The following SAR1B variants were observed in gnomAD, a reference collection of about 807,000 sequenced individuals.
The protein encoded by SAR1B is secretion associated Ras related GTPase 1B.
SAR1B carries 23 observed loss-of-function variants against 26.8 expected under a neutral mutation model. That is an observed-to-expected ratio of 0.86 (90% CI 0.62 to 1.22). SAR1B has a LOEUF of 1.22. SAR1B is among the 50% of genes most tolerant of loss of function. The probability of loss-of-function intolerance (pLI) is 0.00; values close to 1 mark genes in which losing one functional copy is unlikely to be tolerated. For missense variants in SAR1B, 196 were observed against 232.8 expected (o/e 0.84, Z 1.03); for synonymous variants, 65 against 80.8 (o/e 0.80, Z 1.05).
intron 1 of SAR1B, among the ~76,000 whole-genome samples, chr5:134,626,864 T>C (rs923735107): frequency 4.6e-5 from 7 of 152,190 alleles, no homozygotes; most frequent in African/African-American, 1.4e-4. Flanking sequence ...TGGAATTAGA[T>C]AGTGGTGATG....
Position 134,612,641 on chromosome 5 carries a change from T to TTAAAA in SAR1B, c.244+49_244+50insTTTTA, listed in dbSNP as rs1765234275. On this transcript the variant is annotated intron_variant, in intron 4 of 6. Transcript: ENST00000402673. ...GCCTGGGAGACAGAGTGAGCCTGTC[T>TTAAAA]AAAAAAAAAAAAAAAAAAAAAAAAA... is the stretch of plus-strand genomic sequence containing the variant. 1.0e-5 allele frequency: 8 copies of TTAAAA among 767,852 alleles called. No homozygotes were observed. In the East Asian group the frequency reaches 2.8e-4, roughly 27 times the overall value. The allele number at this position is 767,852 out of a possible 1,614,324, so 47.6% of individuals were successfully genotyped here. A position where few individuals can be genotyped will look rare whatever the true frequency, so the allele number is the denominator to read the frequency against.
At chr5:134,630,734 G>C (rs1400777990) in intron 1 of SAR1B, among the ~76,000 whole-genome samples, 1 of 144,074 alleles carries the variant, frequency 6.9e-6, no homozygotes, top group Admixed American at 7.0e-5. Flanking sequence ...AGTCAGCCTG[G>C]AGCCACTGCA....
At chr5:134,621,878 T>G (rs933453720) in intron 2 of SAR1B, among the ~76,000 whole-genome samples, 2 of 152,118 alleles carry the variant, frequency 1.3e-5, no homozygotes, top group African/African-American at 4.8e-5. Context: ...CTGAGACTAC[T>G]GGTGTGCACC....
At chr5:134,621,298 C>T (rs543469000) in intron 2 of SAR1B, among the ~76,000 whole-genome samples, 8 of 152,106 alleles carry the variant, frequency 5.3e-5, no homozygotes, top group South Asian at 2.1e-4. Flanking sequence ...GGTGAAACCC[C>T]GTCTCTACTG....
intron 1 of SAR1B, among the ~76,000 whole-genome samples, chr5:134,624,588 G>A (rs1024605057): frequency 1.3e-5 from 2 of 148,748 alleles, no homozygotes; most frequent in South Asian, 4.3e-4. Flanking sequence ...AACTAAAATC[G>A]TTTAAAAAAA....
chr5:134,609,949 TA>T lies in SAR1B; in HGVS notation c.245-276del, dbSNP rs368865443. Among the ~76,000 whole-genome samples, 832 of 149,282 alleles carry T rather than the reference TA, an allele frequency of 5.6e-3. 8 individuals carry two copies. Among genetic ancestry groups the T allele is most frequent in the East Asian group, 0.015 (76 of 5,122 alleles). On this transcript the variant is annotated intron_variant, in intron 4 of 6. Coordinates refer to ENST00000402673, the MANE Select transcript of SAR1B (RefSeq NM_016103.4). ...AGAATATTTAAAATAAAAATAAAAA[TA>T]AAAAAAAATACACGTTAAGTTCATT...
At chr5:134,631,123 T>G (rs1366682643) in intron 1 of SAR1B, among the ~76,000 whole-genome samples, 1 of 151,866 alleles carries the variant, frequency 6.6e-6, no homozygotes, top group Admixed American at 6.6e-5. Context: ...CAGGCTGATT[T>G]TCATTTCTGT....
intron 3 of SAR1B, chr5:134,618,410 C>T (rs901106134): frequency 2.0e-5 from 3 of 152,206 alleles, no homozygotes; most frequent in African/African-American, 7.2e-5. Flanking sequence ...GTTCTATCCT[C>T]ATTCTTTGTT....
intron 4 of SAR1B, among the ~76,000 whole-genome samples, chr5:134,611,243 C>T (rs904563787): frequency 6.6e-6 from 1 of 152,112 alleles, no homozygotes; most frequent in Non-Finnish European, 1.5e-5. Context: ...CATCGTATTC[C>T]AGAAATTATT....
In SAR1B at chr5:134,630,889, C is replaced by CT. The variant is rs781218368; in HGVS notation, c.-19+1838dup. Reference sequence around the variant, plus strand: ...TTTCCTTTTCTATTTCTTTTTTTTTCTTTTTTTTTTTTTTTTTTTTTTTTT... The same window carrying CT: ...TTTCCTTTTCTATTTCTTTTTTTTTCTTTTTTTTTTTTTTTTTTTTTTTTTT... On this transcript the variant is annotated intron_variant, in intron 1 of 6. Transcript: ENST00000402673. 9.4e-3 allele frequency among the ~76,000 whole-genome samples: 652 copies of CT among 69,186 alleles called. 25 individuals are homozygous for CT. The highest frequency in any genetic ancestry group is 0.013 in the African/African-American group (215 of 17,122). The allele number at this position is 69,186 out of a possible 152,430, so 45.4% of individuals were successfully genotyped here. A position where few individuals can be genotyped will look rare whatever the true frequency, so the allele number is the denominator to read the frequency against.
intron 1 of SAR1B, among the ~76,000 whole-genome samples, chr5:134,630,881 TTTTTTTTC>T (rs1765590245): frequency 2.0e-5 from 3 of 147,278 alleles, no homozygotes; most frequent in Non-Finnish European, 4.5e-5. Context: ...TTCTATTTCT[TTTTTTTTC>T]TTTTTTTTTT....
chr5:134,629,193 G>C (rs907958217), intron 1 of SAR1B, among the ~76,000 whole-genome samples: 10 of 152,002 alleles, frequency 6.6e-5, no homozygotes, highest in South Asian at 2.1e-4. Context: ...AGGCCAAGGT[G>C]GGGGGATCAC....
chr5:134,626,775 G>T (rs533924869), intron 1 of SAR1B, among the ~76,000 whole-genome samples: 3 of 152,142 alleles, frequency 2.0e-5, no homozygotes, highest in Non-Finnish European at 4.4e-5. Flanking sequence ...TATATTAGTG[G>T]TTGTCAGACT....
Position 134,605,681 on chromosome 5 carries a change from GC to G in SAR1B, c.*1268del, listed in dbSNP as rs1445595123. 4 of 104,488 alleles carry G rather than the reference GC, an allele frequency of 3.8e-5. No individual in the cohort carries two copies. Among genetic ancestry groups the G allele is most frequent in the Non-Finnish European group, 6.3e-5 (3 of 47,944 alleles). The allele number at this position is 104,488 out of a possible 1,614,324, so 6.5% of individuals were successfully genotyped here. On this transcript the variant is annotated 3_prime_UTR_variant, in exon 7 of 7. Transcript: ENST00000402673. ...GAGCAAAAAAAAAAAAAAAAAAAAA[GC>G]CCAACAAACAAAAAGTCTTTGTTGT...
intron 6 of SAR1B, 50 bp from the exon 7 acceptor site, chr5:134,607,116 C>A (rs1423531403): frequency 9.1e-7 from 1 of 1,101,726 alleles, no homozygotes; most frequent in African/African-American, 1.5e-5. Context: ...ATTAATAAAG[C>A]CCCACATCCC....
intron 3 of SAR1B, among the ~76,000 whole-genome samples, chr5:134,615,173 C>A (rs1209840985): frequency 6.6e-6 from 1 of 151,614 alleles, no homozygotes; most frequent in Non-Finnish European, 1.5e-5. Flanking sequence ...GAGGTGAAAC[C>A]CCGTCTCTAC....
intron 2 of SAR1B, among the ~76,000 whole-genome samples, chr5:134,621,817 G>C (rs189077350): frequency 2.6e-5 from 4 of 152,238 alleles, no homozygotes; most frequent in Non-Finnish European, 5.9e-5. Context: ...GCTTGCTGCA[G>C]CCTCAACTTC....
rs1765182639 is a variant in SAR1B at position 134,609,692 on chromosome 5, G to A, written c.245-18C>T. On this transcript the variant is annotated intron_variant, in intron 4 of 6. Transcript: ENST00000402673. ...TCTTCGAGCTAACAAAAACAATCAG[G>A]GGTTAGAGTTTACTTGTTGGTCAAA... is the stretch of plus-strand genomic sequence containing the variant. The A allele has an allele frequency of 6.2e-7, 1 of 1,602,946 alleles. No individual in the cohort carries two copies. Among genetic ancestry groups the A allele is most frequent in the African/African-American group, 1.3e-5 (1 of 74,664 alleles).
rs140728989 is a variant in SAR1B at position 134,607,052 on chromosome 5, C to G, written c.495G>C (p.Leu165=). 73 of 1,604,114 alleles carry G rather than the reference C, an allele frequency of 4.6e-5. No homozygotes were observed. The highest frequency in any genetic ancestry group is 6.1e-5 in the Non-Finnish European group (71 of 1,170,976). Residue 165 remains leucine, a synonymous_variant, in exon 7 of 7, where the codon CTG becomes CTC. Coordinates refer to ENST00000402673, the MANE Select transcript of SAR1B (RefSeq NM_016103.4). ...CTAAGGGTCGGGCATTCAGTTCTTT[C>G]AGAGATATACTCCCCTAGAATAGAA... ...GQTTGKGSIS[L]KELNARPLEV...
Sources: gnomAD v4.1 joint callset for allele counts (sites outside exome capture counted in the v4.1 genomes callset) on GRCh38, gnomAD v4.1.1 for gene constraint, MANE v1.5 for transcripts, NCBI Gene and HGNC (gene_info 2026-07-23, HGNC 2026-07-21) for gene names.